MYO16: variants seen among roughly 807,000 people sequenced by gnomAD.
MYO16 encodes myosin XVI.
A neutral mutation model predicts 205.3 loss-of-function variants in MYO16; 94 were observed. The observed-to-expected ratio is 0.46, with a 90% CI of 0.39 to 0.54. The LOEUF (loss-of-function observed/expected upper bound fraction) is 0.54. MYO16 is among the 20% of genes least tolerant of loss of function. The pLI is 0.00. For synonymous variants in MYO16, 988 were observed against 954.0 expected (o/e 1.04, Z -0.66); for missense variants, 2,315 against 2,387.5 (o/e 0.97, Z 0.63).
the MYO16 span, among the ~76,000 whole-genome samples, chr13:108,569,593 A>C: frequency 1.7e-4 from 26 of 152,250 alleles, 1 homozygote; most frequent in South Asian, 5.4e-3. Flanking sequence ...TCTTCTTTGA[A>C]TAGAGATAAT....
At chr13:108,723,221 G>C (rs1286980258) in intron 3 of MYO16, among the ~76,000 whole-genome samples, 1 of 149,190 alleles carries the variant, frequency 6.7e-6, no homozygotes, top group African/African-American at 2.5e-5. Context: ...TTGAAATACT[G>C]AATTTTGAGA....
At chr13:108,638,854 T>A (rs1401702517) in intron 1 of MYO16, among the ~76,000 whole-genome samples, 1 of 151,896 alleles carries the variant, frequency 6.6e-6, no homozygotes, top group Non-Finnish European at 1.5e-5. Flanking sequence ...ATGAGGAAGG[T>A]GTGTGCGGAG....
At chr13:109,002,359 T>C (rs1477871630) in intron 21 of MYO16, among the ~76,000 whole-genome samples, 1 of 152,170 alleles carries the variant, frequency 6.6e-6, no homozygotes. Flanking sequence ...TTGGTGGAAA[T>C]TTACTCAAGA....
chr13:108,617,824 T>C (rs1433855035), intron 1 of MYO16, among the ~76,000 whole-genome samples: 1 of 152,176 alleles, frequency 6.6e-6, no homozygotes, highest in Admixed American at 6.5e-5. Flanking sequence ...TTATTTATTC[T>C]ATTGATGTTT....
intron 2 of MYO16, among the ~76,000 whole-genome samples, chr13:108,684,078 G>T (rs913517969): frequency 6.6e-6 from 1 of 152,176 alleles, no homozygotes; most frequent in African/African-American, 2.4e-5. Context: ...GTTTCACCAT[G>T]TTGGCCAAGA....
intron 1 of MYO16, among the ~76,000 whole-genome samples, chr13:108,609,616 C>G (rs952466128): frequency 2.0e-5 from 3 of 152,036 alleles, no homozygotes; most frequent in African/African-American, 7.2e-5. Flanking sequence ...AAGATTCAGC[C>G]GCATTTGATA....
At chr13:109,115,496 G>A (rs1875636665) in intron 28 of MYO16, among the ~76,000 whole-genome samples, 1 of 152,154 alleles carries the variant, frequency 6.6e-6, no homozygotes, top group Non-Finnish European at 1.5e-5. Context: ...CAGGGAGAGG[G>A]CTCAGTTGGA....
At chr13:108,700,394 T>C (rs1323797970) in intron 2 of MYO16, among the ~76,000 whole-genome samples, 1 of 150,492 alleles carries the variant, frequency 6.6e-6, no homozygotes, top group Non-Finnish European at 1.5e-5. Flanking sequence ...GAACAAATGG[T>C]TGAACTTCGG....
chr13:109,025,905 T>C (rs932178832), intron 23 of MYO16, among the ~76,000 whole-genome samples: 3 of 152,244 alleles, frequency 2.0e-5, no homozygotes, highest in African/African-American at 7.2e-5. Context: ...GTAATAGTTA[T>C]ACAATATATG....
intron 27 of MYO16, among the ~76,000 whole-genome samples, chr13:109,086,763 CT>C (rs1428212110): frequency 2.7e-4 from 41 of 152,246 alleles, no homozygotes; most frequent in Non-Finnish European, 3.7e-4. Flanking sequence ...CTAATTACCC[CT>C]CACTATTATC....
At chr13:108,842,235 C>A (rs1877280735) in intron 9 of MYO16, among the ~76,000 whole-genome samples, 1 of 152,000 alleles carries the variant, frequency 6.6e-6, no homozygotes, top group Non-Finnish European at 1.5e-5. Flanking sequence ...GACTATAAGG[C>A]TTCTGCACAG....
chr13:108,654,944 A>T (rs995708304), intron 1 of MYO16, among the ~76,000 whole-genome samples: 2 of 152,198 alleles, frequency 1.3e-5, no homozygotes, highest in African/African-American at 4.8e-5. Context: ...TTAAGAGGTG[A>T]CCTGGGTGCT....
chr13:108,689,787 C>A (rs945175302), intron 2 of MYO16, among the ~76,000 whole-genome samples: 1 of 151,832 alleles, frequency 6.6e-6, no homozygotes, highest in South Asian at 2.1e-4. Context: ...TAAACTCCAC[C>A]ACAGCCTACA....
intron 22 of MYO16, among the ~76,000 whole-genome samples, chr13:109,012,576 TC>T (rs563597008): frequency 6.6e-6 from 1 of 151,652 alleles, no homozygotes; most frequent in South Asian, 2.1e-4. Context: ...CCTGAAACCA[TC>T]CCCCCCACCC....
intron 21 of MYO16, among the ~76,000 whole-genome samples, chr13:109,008,022 A>C (rs976775280): frequency 1.3e-5 from 2 of 152,210 alleles, no homozygotes; most frequent in Non-Finnish European, 2.9e-5. Flanking sequence ...TAAATGCTCA[A>C]ATATATTTGA....
chr13:109,163,769 T>C (rs1878507591), intron 32 of MYO16: 1 of 152,188 alleles, frequency 6.6e-6, no homozygotes, highest in Non-Finnish European at 1.5e-5. Context: ...ACTGCATGAC[T>C]CTGAGTAACC....
At chr13:109,178,620 GT>G (rs1879325301) in intron 33 of MYO16, among the ~76,000 whole-genome samples, 2 of 152,278 alleles carry the variant, frequency 1.3e-5, no homozygotes, top group East Asian at 3.9e-4. Context: ...GTCTATTCAT[GT>G]TTATTAATCG....
At chr13:109,062,434 A>G (rs929677516) in intron 27 of MYO16, among the ~76,000 whole-genome samples, 2 of 152,216 alleles carry the variant, frequency 1.3e-5, no homozygotes, top group African/African-American at 4.8e-5. Context: ...GTAAAAAGGA[A>G]TAGTGAGGAT....
intron 16 of MYO16, among the ~76,000 whole-genome samples, chr13:108,945,356 G>A (rs909405450): frequency 1.3e-5 from 2 of 152,024 alleles, no homozygotes; most frequent in African/African-American, 4.8e-5. Flanking sequence ...TCATGGCCAG[G>A]GACCACTTAT....
Sources: gnomAD v4.1 joint callset for allele counts (sites outside exome capture counted in the v4.1 genomes callset) on GRCh38, gnomAD v4.1.1 for gene constraint, MANE v1.5 for transcripts, NCBI Gene and HGNC (gene_info 2026-07-23, HGNC 2026-07-21) for gene names.